POU2F1: variants seen among roughly 807,000 people sequenced by gnomAD.
POU2F1 encodes POU class 2 homeobox 1, also known as POU domain, class 2, transcription factor 1.
POU2F1 carries 16 observed loss-of-function variants against 84.9 expected under a neutral mutation model. The observed-to-expected ratio is 0.19, with a 90% CI of 0.13 to 0.29. The LOEUF (loss-of-function observed/expected upper bound fraction) is 0.29, where lower values mean the gene tolerates loss of function less well. POU2F1 is among the 10% of genes least tolerant of loss of function. The pLI is 1.00. For missense variants in POU2F1, 738 were observed against 942.6 expected (o/e 0.78, Z 2.84); for synonymous variants, 368 against 368.3 (o/e 1.00, Z 0.01).
intron 1 of POU2F1, among the ~76,000 whole-genome samples, chr1:167,280,284 G>A (rs185780089): frequency 2.7e-5 from 4 of 150,890 alleles, no homozygotes; most frequent in Non-Finnish European, 5.9e-5. Context: ...GACATGATAT[G>A]TAGCAAATAT....
chr1:167,365,656 C>A, intron 3 of POU2F1, 89 bp downstream of exon 3: 1 of 914,668 alleles, frequency 1.1e-6, no homozygotes, highest in East Asian at 2.9e-5. Context: ...GAATGTGGGA[C>A]CTTTTAAATT....
At chr1:167,266,174 C>G (rs908974953) in intron 1 of POU2F1, among the ~76,000 whole-genome samples, 2 of 152,142 alleles carry the variant, frequency 1.3e-5, no homozygotes, top group African/African-American at 4.8e-5. Context: ...TGTGCAGGAC[C>G]TGCAGGTTTG....
At chr1:167,346,436 T>C (rs1280924288) in intron 2 of POU2F1, among the ~76,000 whole-genome samples, 1 of 152,136 alleles carries the variant, frequency 6.6e-6, no homozygotes, top group Non-Finnish European at 1.5e-5. Flanking sequence ...GTAATACCTA[T>C]CCATTCTATA....
At chr1:167,412,565 T>G (rs1299774454) in intron 14 of POU2F1, among the ~76,000 whole-genome samples, 1 of 152,194 alleles carries the variant, frequency 6.6e-6, no homozygotes, top group Non-Finnish European at 1.5e-5. Context: ...ATTACCTTAG[T>G]GACGGGGCCA....
At chr1:167,265,824 C>G (rs1304269167) in intron 1 of POU2F1, among the ~76,000 whole-genome samples, 2 of 152,118 alleles carry the variant, frequency 1.3e-5, no homozygotes, top group Non-Finnish European at 2.9e-5. Context: ...CAAAGTCAGT[C>G]TCCTCCCCTC....
intron 8 of POU2F1, among the ~76,000 whole-genome samples, chr1:167,386,136 T>TGCTTAG (rs1417369456): frequency 6.6e-6 from 1 of 152,118 alleles, no homozygotes; most frequent in Admixed American, 6.5e-5. Context: ...TCTCATACAT[T>TGCTTAG]GCTTAGTGGT....
intron 1 of POU2F1, among the ~76,000 whole-genome samples, chr1:167,299,757 G>A (rs1242705554): frequency 6.7e-6 from 1 of 149,422 alleles, no homozygotes; most frequent in Admixed American, 6.6e-5. Flanking sequence ...GTGGGATAAA[G>A]CATTGCATTT....
At chr1:167,315,322 A>G (rs572357916) in intron 1 of POU2F1, among the ~76,000 whole-genome samples, 2 of 152,240 alleles carry the variant, frequency 1.3e-5, no homozygotes, top group Non-Finnish European at 2.9e-5. Flanking sequence ...CATATTATAT[A>G]TGAGTCCTGT....
intron 13 of POU2F1, among the ~76,000 whole-genome samples, chr1:167,410,310 A>C (rs923223879): frequency 1.3e-5 from 2 of 152,290 alleles, no homozygotes; most frequent in Admixed American, 6.5e-5. Flanking sequence ...ATGATGTCTG[A>C]GTCTCTCCCA....
intron 12 of POU2F1, among the ~76,000 whole-genome samples, chr1:167,399,925 T>TC (rs1649077721): frequency 6.9e-6 from 1 of 145,424 alleles, no homozygotes; most frequent in South Asian, 2.2e-4. Flanking sequence ...TCCCTTGGCC[T>TC]CCCAAAGTGC....
At chr1:167,339,491 TA>T (rs1657694173) in intron 2 of POU2F1, among the ~76,000 whole-genome samples, 1 of 152,218 alleles carries the variant, frequency 6.6e-6, no homozygotes, top group Admixed American at 6.5e-5. Context: ...CTAAATCAAC[TA>T]TTTTGATGTA....
intron 2 of POU2F1, among the ~76,000 whole-genome samples, chr1:167,346,014 AAC>A (rs1658171440): frequency 6.6e-6 from 1 of 151,612 alleles, no homozygotes; most frequent in South Asian, 2.1e-4. Flanking sequence ...AAAAAAAAAA[AAC>A]TTAAAAAAAT....
At chr1:167,245,385 A>G (rs924733812) in intron 1 of POU2F1, among the ~76,000 whole-genome samples, 3 of 151,044 alleles carry the variant, frequency 2.0e-5, no homozygotes, top group Non-Finnish European at 2.9e-5. Context: ...CTGGGACCAC[A>G]GGTGCACCAC....
chr1:167,383,987 C>A (rs1168685877), intron 8 of POU2F1, 36 bp downstream of exon 8: 9 of 1,523,610 alleles, frequency 5.9e-6, no homozygotes, highest in African/African-American at 2.8e-5. Flanking sequence ...TTTCTCTTAT[C>A]ATATTGTTTG....
chr1:167,298,136 C>A (rs1042489843), intron 1 of POU2F1, among the ~76,000 whole-genome samples: 5 of 149,988 alleles, frequency 3.3e-5, no homozygotes, highest in Admixed American at 1.3e-4. Context: ...CCAAAAACAA[C>A]AACAACAACA....
At chr1:167,243,723 G>A (rs567534902) in intron 1 of POU2F1, among the ~76,000 whole-genome samples, 8 of 152,258 alleles carry the variant, frequency 5.3e-5, no homozygotes, top group Admixed American at 2.0e-4. Flanking sequence ...TGATCCACCC[G>A]CCTCGGCCTC....
At chr1:167,411,548 T>C (rs1351284188) in intron 13 of POU2F1, among the ~76,000 whole-genome samples, 1 of 152,264 alleles carries the variant, frequency 6.6e-6, no homozygotes, top group African/African-American at 2.4e-5. Flanking sequence ...ACTTTCTGTT[T>C]TTCTTCTCCT....
At chr1:167,257,595 A>C (rs1651238958) in intron 1 of POU2F1, among the ~76,000 whole-genome samples, 2 of 152,344 alleles carry the variant, frequency 1.3e-5, no homozygotes, top group South Asian at 4.1e-4. Flanking sequence ...AAGGGTATTG[A>C]AGAAAATGGG....
At chr1:167,275,855 G>A (rs1652696310) in intron 1 of POU2F1, among the ~76,000 whole-genome samples, 1 of 152,122 alleles carries the variant, frequency 6.6e-6, no homozygotes, top group African/African-American at 2.4e-5. Context: ...TCCATTCTGA[G>A]GTTTCTGTAT....
Sources: gnomAD v4.1 joint callset for allele counts (sites outside exome capture counted in the v4.1 genomes callset) on GRCh38, gnomAD v4.1.1 for gene constraint, MANE v1.5 for transcripts, NCBI Gene and HGNC (gene_info 2026-07-23, HGNC 2026-07-21) for gene names.